The following CELF4 variants were observed in gnomAD, a reference collection of about 807,000 sequenced individuals.
CELF4 encodes CUGBP Elav-like family member 4, also known as CUG-BP- and ETR-3-like factor 4.
A neutral mutation model predicts 59.9 loss-of-function variants in CELF4; 18 were observed. The ratio of observed to expected loss-of-function variants is 0.30; its 90% confidence interval spans 0.21 to 0.45. The LOEUF is 0.45. Among genes scored for constraint, CELF4 ranks in the 20% least tolerant of loss-of-function variants. The pLI, the probability that CELF4 is intolerant of heterozygous loss-of-function variation, is 1.00. For synonymous variants in CELF4, 261 were observed against 267.1 expected (o/e 0.98, Z 0.22); for missense variants, 456 against 689.0 (o/e 0.66, Z 3.79).
chr18:37,469,554 A>C (rs1469613813), intron 2 of CELF4, among the ~76,000 whole-genome samples: 1 of 152,222 alleles, frequency 6.6e-6, no homozygotes, highest in African/African-American at 2.4e-5. Flanking sequence ...ACAAGGATTT[A>C]ACTAAACGCC....
chr18:37,344,478 A>G (rs1420031640), intron 2 of CELF4, among the ~76,000 whole-genome samples: 1 of 152,220 alleles, frequency 6.6e-6, no homozygotes, highest in Non-Finnish European at 1.5e-5. Flanking sequence ...AAGTTAAGCC[A>G]TTTGCTTTCT....
At chr18:37,276,896 T>A (rs1196972265) in intron 3 of CELF4, among the ~76,000 whole-genome samples, 3 of 152,180 alleles carry the variant, frequency 2.0e-5, no homozygotes, top group Non-Finnish European at 4.4e-5. Context: ...ACCCCAAAAC[T>A]GCAAATGGCC....
chr18:37,246,368 T>C lies in CELF4; in HGVS notation c.*45-1171A>G, dbSNP rs1248366379. ...GTAAACAAAAAGGTGCATTTTGCTT[T>C]TGTTAGTACTGTTTCTTCCAAACCA... On this transcript the variant is annotated intron_variant, in intron 12 of 12. Coordinates refer to ENST00000420428, the MANE Select transcript of CELF4 (RefSeq NM_020180.4). This position sits in a 1 kb window ranked among gnomAD's most constrained non-coding sequence, Gnocchi z 5.3. Among the ~76,000 whole-genome samples the C allele has an allele frequency of 6.6e-6, 1 of 152,194 alleles. No homozygotes were observed. The highest frequency in any genetic ancestry group is 1.5e-5 in the Non-Finnish European group (1 of 68,036).
intron 1 of CELF4, among the ~76,000 whole-genome samples, chr18:37,519,533 C>A (rs561862683): frequency 1.1e-4 from 17 of 152,284 alleles, no homozygotes; most frequent in African/African-American, 3.4e-4. Context: ...CACAGAAGTA[C>A]CCGAGGAGGC....
chr18:37,314,020 C>T (rs563419907), intron 3 of CELF4, among the ~76,000 whole-genome samples: 7 of 152,240 alleles, frequency 4.6e-5, no homozygotes, highest in Non-Finnish European at 1.0e-4. Flanking sequence ...GCAGCTGTCT[C>T]AGGGATGCCT....
intron 1 of CELF4, among the ~76,000 whole-genome samples, chr18:37,536,482 G>A (rs1255620896): frequency 6.6e-6 from 1 of 152,158 alleles, no homozygotes; most frequent in African/African-American, 2.4e-5. Flanking sequence ...CTCGGCAAGG[G>A]GTCCCCAGCT....
intron 1 of CELF4, among the ~76,000 whole-genome samples, chr18:37,550,500 T>TC (rs2099982846): frequency 6.6e-6 from 1 of 152,214 alleles, no homozygotes; most frequent in Admixed American, 6.5e-5. Context: ...GCTGAAACTT[T>TC]CCCAGAGTTG....
intron 1 of CELF4, among the ~76,000 whole-genome samples, chr18:37,560,023 G>T (rs1167011234): frequency 6.6e-6 from 1 of 152,210 alleles, no homozygotes; most frequent in Non-Finnish European, 1.5e-5. Flanking sequence ...TGTTGTGTTT[G>T]AGAGGCCACA....
At chr18:37,345,370 G>A (rs1224955281) in intron 2 of CELF4, among the ~76,000 whole-genome samples, 1 of 152,158 alleles carries the variant, frequency 6.6e-6, no homozygotes, top group Non-Finnish European at 1.5e-5. Flanking sequence ...GGCAGGGAGA[G>A]GGCAGAACAG....
intron 3 of CELF4, among the ~76,000 whole-genome samples, chr18:37,316,182 C>T (rs575626925): frequency 3.3e-5 from 5 of 152,208 alleles, no homozygotes; most frequent in South Asian, 2.1e-4. Context: ...GACACTGCAG[C>T]GCATGCCCTA....
At chr18:37,314,703 C>T (rs992077980) in intron 3 of CELF4, among the ~76,000 whole-genome samples, 1 of 152,164 alleles carries the variant, frequency 6.6e-6, no homozygotes, top group Non-Finnish European at 1.5e-5. Flanking sequence ...CTCCCCTTTC[C>T]GTCCTCCAGC....
chr18:37,448,630 C>T (rs559138177), intron 2 of CELF4, among the ~76,000 whole-genome samples: 4 of 152,326 alleles, frequency 2.6e-5, no homozygotes, highest in South Asian at 2.1e-4. Context: ...GGGAGGCTGG[C>T]GGGAACTGCC....
intron 2 of CELF4, among the ~76,000 whole-genome samples, chr18:37,332,736 G>T (rs565344333): frequency 1.3e-5 from 2 of 152,210 alleles, no homozygotes; most frequent in African/African-American, 2.4e-5. Flanking sequence ...AGCTTCCAGC[G>T]CGTGGCAGGT....
At chr18:37,395,332 C>T (rs528698419) in intron 2 of CELF4, among the ~76,000 whole-genome samples, 29 of 152,138 alleles carry the variant, frequency 1.9e-4, no homozygotes, top group Non-Finnish European at 2.9e-4. Context: ...ACTGCTCCCA[C>T]GGCGGGCTGG....
At chr18:37,558,806 C>CGTGTGTGTGTGT (rs147683102) in intron 1 of CELF4, among the ~76,000 whole-genome samples, 30 of 145,550 alleles carry the variant, frequency 2.1e-4, no homozygotes, top group African/African-American at 7.4e-4. Flanking sequence ...GCTGTCAGGT[C>CGTGTGTGTGTGT]GTGTGTGTGT....
At chr18:37,287,684 T>G (rs1343529414) in intron 3 of CELF4, among the ~76,000 whole-genome samples, 1 of 152,218 alleles carries the variant, frequency 6.6e-6, no homozygotes, top group Non-Finnish European at 1.5e-5. Context: ...CTGGATTCCC[T>G]GCTGCCCACC....
At chr18:37,353,454 G>T (rs1460990206) in intron 2 of CELF4, among the ~76,000 whole-genome samples, 1 of 151,202 alleles carries the variant, frequency 6.6e-6, no homozygotes, top group Non-Finnish European at 1.5e-5. Context: ...AGGGGAGGTT[G>T]GTGTGGAGCT....
In CELF4 at chr18:37,499,005, T is replaced by C. The variant is rs150417368; in HGVS notation, c.287-13398A>G. Among the ~76,000 whole-genome samples the C allele has an allele frequency of 3.9e-4, 59 of 152,350 alleles. No individual in the cohort carries two copies. The East Asian group carries it at 0.01, about 26-fold the overall frequency. On this transcript the variant is annotated intron_variant, in intron 1 of 12. Transcript: ENST00000420428. ...GTTGTGATGTGATGCTTAAATTCCC[T>C]ACAGTGTGAAAAATGGCTTTGGCCT...
At chr18:37,462,629 T>G (rs908509579) in intron 2 of CELF4, among the ~76,000 whole-genome samples, 1 of 152,136 alleles carries the variant, frequency 6.6e-6, no homozygotes. Flanking sequence ...GGGGCCCTCA[T>G]GTTTGCTGGG....
Sources: allele counts gnomAD v4.1 joint callset (sites outside exome capture counted in the v4.1 genomes callset), GRCh38; gene constraint gnomAD v4.1.1; non-coding constraint Gnocchi (gnomAD v3.1); transcripts MANE v1.5; gene names NCBI Gene and HGNC (gene_info 2026-07-23, HGNC 2026-07-21).